The following RORA variants were observed in gnomAD, a reference collection of about 807,000 sequenced individuals.
The protein encoded by RORA is RAR related orphan receptor A, also known as nuclear receptor ROR-alpha.
A neutral mutation model predicts 69.5 loss-of-function variants in RORA; 7 were observed. That is an observed-to-expected ratio of 0.10 (90% CI 0.06 to 0.19). RORA has a LOEUF of 0.19. Among genes scored for constraint, RORA ranks in the 10% least tolerant of loss-of-function variants. The pLI is 1.00. For missense variants in RORA, 457 were observed against 663.0 expected (o/e 0.69, Z 3.41); for synonymous variants, 261 against 240.8 (o/e 1.08, Z -0.78).
At chr15:60,702,934 T>C (rs1231285302) in intron 1 of RORA, among the ~76,000 whole-genome samples, 2 of 152,146 alleles carry the variant, frequency 1.3e-5, no homozygotes, top group African/African-American at 4.8e-5. Context: ...TTCCAATACG[T>C]CCCCTTGACC....
intron 1 of RORA, among the ~76,000 whole-genome samples, chr15:61,114,844 C>T (rs1028395551): frequency 2.6e-5 from 4 of 152,212 alleles, no homozygotes; most frequent in South Asian, 2.1e-4. Flanking sequence ...CCAGGGCCTT[C>T]GTATGTTGGC....
chr15:60,766,019 TAGA>T (rs1259996551), intron 1 of RORA, among the ~76,000 whole-genome samples: 3 of 152,152 alleles, frequency 2.0e-5, no homozygotes, highest in African/African-American at 7.2e-5. Context: ...GTCTGTAATT[TAGA>T]AGGTTTTAAT....
intron 1 of RORA, among the ~76,000 whole-genome samples, chr15:61,078,453 CCTCCCA>C (rs1390741309): frequency 6.6e-5 from 10 of 151,942 alleles, no homozygotes; most frequent in Admixed American, 5.2e-4. Context: ...CTTGCCTTGG[CCTCCCA>C]AAGTGTTGGG....
chr15:60,511,587 T>C lies in RORA; in HGVS notation c.459A>G (p.Arg153=). ...TCTGTACTTCTGCATACAAGCTGTC[T>C]CTCTGCTTTTTTGACATTCGGCCAA... The part of the protein sequence containing the change: ...VKFGRMSKKQ[R]DSLYAEVQKH... The change falls in exon 5 of 11, where the codon AGA becomes AGG. Residue 153 remains arginine (R), a synonymous_variant. Transcript: ENST00000335670. The surrounding 1 kb of genome is among the most constrained non-coding windows in gnomAD (Gnocchi z 6.4). The C allele has an allele frequency of 1.2e-6, 2 of 1,609,376 alleles. No individual in the cohort carries two copies. The highest frequency in any genetic ancestry group is 2.2e-5 in the South Asian group (2 of 90,784).
intron 1 of RORA, among the ~76,000 whole-genome samples, chr15:60,833,908 C>T (rs2073081159): frequency 6.6e-6 from 1 of 152,154 alleles, no homozygotes; most frequent in Non-Finnish European, 1.5e-5. Context: ...ATTATAACTC[C>T]TCTGCCTTTG....
At chr15:60,939,171 T>C (rs916110517) in intron 1 of RORA, among the ~76,000 whole-genome samples, 2 of 152,200 alleles carry the variant, frequency 1.3e-5, no homozygotes, top group Non-Finnish European at 2.9e-5. Context: ...CAATCATGGA[T>C]TCACTCACTC....
At chr15:60,931,094 T>C (rs568991850) in intron 1 of RORA, among the ~76,000 whole-genome samples, 23 of 152,164 alleles carry the variant, frequency 1.5e-4, no homozygotes, top group Non-Finnish European at 2.9e-4. Flanking sequence ...GAGTGACTGG[T>C]CCAGGGTCTG....
chr15:61,214,690 A>C (rs2080022410), intron 1 of RORA, among the ~76,000 whole-genome samples: 1 of 152,112 alleles, frequency 6.6e-6, no homozygotes. Context: ...TGGAGGCAGC[A>C]ATCCAGACTG....
intron 1 of RORA, among the ~76,000 whole-genome samples, chr15:60,955,294 T>G (rs1290263536): frequency 6.6e-6 from 1 of 152,150 alleles, no homozygotes; most frequent in East Asian, 1.9e-4. Flanking sequence ...AGAGCAAGAC[T>G]CCATCTCAAA....
At chr15:60,720,580 G>A (rs1434096071) in intron 1 of RORA, among the ~76,000 whole-genome samples, 2 of 152,130 alleles carry the variant, frequency 1.3e-5, no homozygotes, top group Non-Finnish European at 2.9e-5. Flanking sequence ...GTGGTATTCT[G>A]GGTGCTGATG....
At chr15:60,595,167 G>A (rs1443676555) in intron 2 of RORA, among the ~76,000 whole-genome samples, 2 of 149,556 alleles carry the variant, frequency 1.3e-5, no homozygotes, top group African/African-American at 4.9e-5. Flanking sequence ...CCAAATTGGA[G>A]CCATAAATGA....
At chr15:60,693,717 C>G (rs2070862951) in intron 1 of RORA, among the ~76,000 whole-genome samples, 1 of 152,034 alleles carries the variant, frequency 6.6e-6, no homozygotes, top group African/African-American at 2.4e-5. Flanking sequence ...AATAAAATAC[C>G]TAGGAATACA....
intron 1 of RORA, among the ~76,000 whole-genome samples, chr15:61,057,374 T>C (rs924499595): frequency 2.0e-5 from 3 of 152,252 alleles, no homozygotes; most frequent in African/African-American, 7.2e-5. Flanking sequence ...ATTTGACTTT[T>C]ATGCCCCACA....
At chr15:60,950,119 GTA>G (rs1307575904) in intron 1 of RORA, among the ~76,000 whole-genome samples, 22 of 151,502 alleles carry the variant, frequency 1.5e-4, no homozygotes, top group African/African-American at 5.1e-4. Context: ...CCAGAAGAGA[GTA>G]GGGGCCAATA....
chr15:61,061,524 C>G lies in RORA; in HGVS notation c.166+167529G>C, dbSNP rs887021905. The stretch of plus-strand genomic sequence containing the variant: ...AGGCCAGGATAGACAAACTTCTGAC[C>G]TCGCCCCTCATTCTAAAGTGTAATT... On this transcript the variant is annotated intron_variant, in intron 1 of 10. Coordinates refer to ENST00000335670, the MANE Select transcript of RORA (RefSeq NM_134261.3). This position sits in a 1 kb window ranked among gnomAD's most constrained non-coding sequence, Gnocchi z 4.4. Among the ~76,000 whole-genome samples, 1 of 152,192 alleles carries G rather than the reference C, an allele frequency of 6.6e-6. No homozygotes were observed. Among genetic ancestry groups the G allele is most frequent in the East Asian group, 1.9e-4 (1 of 5,178 alleles).
intron 1 of RORA, among the ~76,000 whole-genome samples, chr15:61,022,654 A>G (rs1286971089): frequency 2.0e-5 from 3 of 152,214 alleles, no homozygotes; most frequent in Admixed American, 6.5e-5. Context: ...TCTTATTTCA[A>G]AAGTGGGTAA....
intron 1 of RORA, among the ~76,000 whole-genome samples, chr15:61,119,833 A>G (rs1175634465): frequency 6.6e-6 from 1 of 152,194 alleles, no homozygotes; most frequent in Non-Finnish European, 1.5e-5. Flanking sequence ...AGTGAAATCC[A>G]GTCTTTGTGC....
intron 1 of RORA, among the ~76,000 whole-genome samples, chr15:61,013,521 C>T (rs968881277): frequency 6.6e-6 from 1 of 152,152 alleles, no homozygotes; most frequent in African/African-American, 2.4e-5. Flanking sequence ...TAGATGTCTA[C>T]AGGATTAGTG....
intron 1 of RORA, among the ~76,000 whole-genome samples, chr15:60,710,155 C>G (rs574773080): frequency 8.2e-4 from 125 of 152,292 alleles, no homozygotes; most frequent in African/African-American, 2.3e-3. Context: ...CCCTATCTTG[C>G]CTTGCACTTA....
Sources: gnomAD v4.1 joint callset for allele counts (sites outside exome capture counted in the v4.1 genomes callset) on GRCh38, gnomAD v4.1.1 for gene constraint, Gnocchi (gnomAD v3.1) non-coding constraint, MANE v1.5 for transcripts, NCBI Gene and HGNC (gene_info 2026-07-23, HGNC 2026-07-21) for gene names.